Variants in ZNF605 observed in about 807,000 individuals in gnomAD.
The protein encoded by ZNF605 is zinc finger protein 605.
Under a neutral mutation model 7.9 loss-of-function variants are expected in ZNF605, and 9 were observed. The ratio of observed to expected loss-of-function variants is 1.14; its 90% CI spans 0.68 to 1.98. ZNF605 has a LOEUF of 1.98. Among genes scored for constraint, ZNF605 ranks in the 30% most tolerant of loss-of-function variants. The pLI, the probability that ZNF605 is intolerant of heterozygous loss-of-function variation, is 0.00. For synonymous variants in ZNF605, 255 were observed against 260.1 expected, an observed-to-expected ratio of 0.98 and a Z score of 0.19; for missense variants, 673 against 762.4, an observed-to-expected ratio of 0.88 and a Z score of 1.38.
At chr12:132,932,850 TAA>T in intron 4 of ZNF605, 183 bp downstream of exon 4, 1 of 1,447,880 alleles carries the variant, frequency 6.9e-7, no homozygotes, top group South Asian at 1.3e-5. Flanking sequence ...CTGCCTGGGC[TAA>T]GAGTCTTAAA....
rs1284996129 is a variant in ZNF605, at chr12:132,919,556, A to AT, written c.*5816dup. 3 of 150,486 alleles carry AT rather than the reference A, an allele frequency of 2.0e-5. No homozygotes were observed. Among genetic ancestry groups the AT allele is most frequent in the Admixed American group, 1.3e-4 (2 of 15,076 alleles). The allele number at this position is 150,486 out of a possible 1,614,324, so 9.3% of individuals were successfully genotyped here. A position where few individuals can be genotyped will look rare whatever the true frequency, so the allele number is the denominator to read the frequency against. On this transcript the variant is annotated 3_prime_UTR_variant, in exon 5 of 5. Coordinates refer to ENST00000360187, the MANE Select transcript of ZNF605 (RefSeq NM_183238.4). Reference sequence around the variant, plus strand: ...AGGCGCCCGCCACCACGCGCGGCTAATTTTTTGTATTTTTAGTAGAGACGG... The same window carrying AT: ...AGGCGCCCGCCACCACGCGCGGCTAATTTTTTTGTATTTTTAGTAGAGACGG...
rs1193480474 is a variant in ZNF605, at chr12:132,933,307, C to G, written c.16-152G>C. Reference sequence around the variant, plus strand: ...CTTTTGCATAATCCTCCCCTCTTGACCGTGGGCTGGACTCACTGACTCATT... The same window carrying G: ...CTTTTGCATAATCCTCCCCTCTTGAGCGTGGGCTGGACTCACTGACTCATT... On this transcript the variant is annotated intron_variant, in intron 3 of 4. Coordinates refer to ENST00000360187, the MANE Select transcript of ZNF605 (RefSeq NM_183238.4). This position sits in a 1 kb window ranked among gnomAD's most constrained non-coding sequence, Gnocchi z 4.4. 4.7e-6 allele frequency: 4 copies of G among 852,168 alleles called. No individual in the cohort carries two copies. Among genetic ancestry groups the G allele is most frequent in the Non-Finnish European group, 6.9e-6 (4 of 578,176 alleles). The allele number at this position is 852,168 out of a possible 1,614,324, so 52.8% of individuals were successfully genotyped here.
chr12:132,950,475 A>G (rs1952546240), intron 1 of ZNF605, among the ~76,000 whole-genome samples: 1 of 151,876 alleles, frequency 6.6e-6, no homozygotes, highest in African/African-American at 2.4e-5. Flanking sequence ...ACACACAGAC[A>G]TGCACACACA....
chr12:132,939,397 G>A (rs1315638203), intron 3 of ZNF605, among the ~76,000 whole-genome samples: 1 of 151,824 alleles, frequency 6.6e-6, no homozygotes, highest in African/African-American at 2.4e-5. Context: ...ACACCAATCG[G>A]CACTCTGTAT....
In ZNF605 at chr12:132,926,589, T is replaced by G; in HGVS notation, c.710A>C (p.Lys237Thr). ...TCTCTGATGTAAAATGAGGAGTGAC[T>G]TCCTACTAAAAGCTTTCTGACATTC... ...CSECQKAFSR[K>T]SLLILHQRIH... is the part of the protein sequence containing the mutation. The change falls in exon 5 of 5, where the codon AAG (lysine) becomes ACG (threonine). Residue 237 changes from lysine to threonine, a missense_variant. Coordinates refer to ENST00000360187, the MANE Select transcript of ZNF605 (RefSeq NM_183238.4). 6.2e-7 allele frequency: 1 copy of G among 1,614,202 alleles called. No individual in the cohort carries two copies. Among genetic ancestry groups the G allele is most frequent in the African/African-American group, 1.3e-5 (1 of 75,060 alleles).
intron 1 of ZNF605, among the ~76,000 whole-genome samples, chr12:132,955,920 C>G (rs1215222863): frequency 1.3e-5 from 2 of 151,896 alleles, no homozygotes; most frequent in Non-Finnish European, 2.9e-5. Flanking sequence ...CCTCCATAGG[C>G]CCCCAGTGAA....
intron 4 of ZNF605, among the ~76,000 whole-genome samples, chr12:132,931,776 C>A (rs1409968606): frequency 6.6e-6 from 1 of 152,096 alleles, no homozygotes; most frequent in African/African-American, 2.4e-5. Flanking sequence ...AGACTTAAAC[C>A]CACCTGACTA....
chr12:132,950,366 T>C (rs962089938), intron 1 of ZNF605, among the ~76,000 whole-genome samples: 24 of 152,044 alleles, frequency 1.6e-4, no homozygotes, highest in Non-Finnish European at 2.9e-4. Flanking sequence ...GATCTACAAG[T>C]ACACGCACAC....
At position 132,918,596 on chromosome 12, in the gene ZNF605, G is replaced by A. The variant is rs1952177839; in HGVS notation, c.*6777C>T. Reference sequence around the variant, plus strand: ...CCCCACCCTTGTTTTCTCTTTTTTTGAGACGGAGTCTCACTCTGTTGCTCA... The same window carrying A: ...CCCCACCCTTGTTTTCTCTTTTTTTAAGACGGAGTCTCACTCTGTTGCTCA... On this transcript the variant is annotated 3_prime_UTR_variant, in exon 5 of 5. Transcript: ENST00000360187. 6.6e-6 allele frequency: 1 copy of A among 152,072 alleles called. No individual in the cohort carries two copies. The highest frequency in any genetic ancestry group is 1.5e-5 in the Non-Finnish European group (1 of 68,062). 9.4% of individuals were successfully genotyped at this position (152,072 alleles called of 1,614,324 possible). A position where few individuals can be genotyped will look rare whatever the true frequency, so the allele number is the denominator to read the frequency against.
At chr12:132,929,712 C>T (rs1443702168) in intron 4 of ZNF605, among the ~76,000 whole-genome samples, 3 of 151,886 alleles carry the variant, frequency 2.0e-5, no homozygotes, top group Admixed American at 1.3e-4. Flanking sequence ...TTTGGGAGGC[C>T]GAGGCAGGCA....
intron 3 of ZNF605, among the ~76,000 whole-genome samples, chr12:132,938,820 G>A (rs1298816718): frequency 7.9e-5 from 12 of 152,232 alleles, no homozygotes; most frequent in South Asian, 2.1e-4. Context: ...CCGGGTGGGC[G>A]TGGGCTTGGT....
chr12:132,928,705 C>T (rs1225259627), intron 4 of ZNF605, among the ~76,000 whole-genome samples: 2 of 152,124 alleles, frequency 1.3e-5, no homozygotes, highest in Admixed American at 6.6e-5. Flanking sequence ...AAAGATCTGG[C>T]ATGGTCTCAA....
At chr12:132,938,819 CGTGGGCTTG>C (rs1952396443) in intron 3 of ZNF605, among the ~76,000 whole-genome samples, 1 of 151,884 alleles carries the variant, frequency 6.6e-6, no homozygotes, top group Non-Finnish European at 1.5e-5. Context: ...TCCGGGTGGG[CGTGGGCTTG>C]GTGGGCGCCG....
intron 4 of ZNF605, among the ~76,000 whole-genome samples, chr12:132,929,962 AAT>A (rs1011778277): frequency 1.1e-4 from 17 of 152,242 alleles, no homozygotes; most frequent in African/African-American, 2.4e-4. Context: ...TAAATAAATA[AAT>A]ATGTCTATCC....
Position 132,926,282 on chromosome 12 carries a change from A to G in ZNF605, c.1017T>C (p.Cys339=). The G allele has an allele frequency of 6.2e-7, 1 of 1,613,984 alleles. No individual in the cohort carries two copies. Among genetic ancestry groups the G allele is most frequent in the Non-Finnish European group, 8.5e-7 (1 of 1,179,966 alleles). ...RTHTGKKPYG[C]GECQKAFSRN... ...TGCTGAAGGCTTTTTGACACTCACC[A>G]CATCCGTAAGGTTTCTTCCCTGTGT... Residue 339 remains cysteine, a synonymous_variant, in exon 5 of 5, where the codon TGT becomes TGC. Transcript: ENST00000360187.
intron 3 of ZNF605, among the ~76,000 whole-genome samples, chr12:132,934,905 A>G (rs1209293582): frequency 6.6e-6 from 1 of 152,210 alleles, no homozygotes; most frequent in Admixed American, 6.5e-5. Context: ...GGTGCTGTAA[A>G]GACAGTAAGG....
rs1952242116 is a variant in ZNF605, at chr12:132,925,932, T to C, written c.1367A>G (p.Lys456Arg). ...CAGGCTTGACTTCTGGGTGAAGGCC[T>C]TCCCACACTCACTGCATTCATAAGG... The part of the protein sequence containing the change: ...EKPYECSECG[K>R]AFTQKSSLIS... The change falls in exon 5 of 5, where the codon AAG (lysine) becomes AGG (arginine). Residue 456 changes from lysine (K) to arginine (R), a missense_variant. Coordinates refer to ENST00000360187, the MANE Select transcript of ZNF605 (RefSeq NM_183238.4). The C allele has an allele frequency of 1.2e-6, 2 of 1,614,098 alleles. No individual in the cohort carries two copies. Among genetic ancestry groups the C allele is most frequent in the African/African-American group, 1.3e-5 (1 of 74,950 alleles).
In ZNF605 at chr12:132,921,613, G is replaced by A. The variant is rs1459112244; in HGVS notation, c.*3760C>T. ...AATTCCTAAAAGATCAGAGCAGAGT[G>A]ATACACAAGTTTATTAACACAGACT... On this transcript the variant is annotated 3_prime_UTR_variant, in exon 5 of 5. Coordinates refer to ENST00000360187, the MANE Select transcript of ZNF605 (RefSeq NM_183238.4). 1 of 152,192 alleles carries A rather than the reference G, an allele frequency of 6.6e-6. No individual in the cohort carries two copies. Among genetic ancestry groups the A allele is most frequent in the Non-Finnish European group, 1.5e-5 (1 of 68,046 alleles). 9.4% of individuals were successfully genotyped at this position (152,192 alleles called of 1,614,324 possible).
rs989680071 is a variant in ZNF605 at position 132,941,817 on chromosome 12, C to G, written c.15+3804G>C. Among the ~76,000 whole-genome samples the G allele has an allele frequency of 2.8e-4, 43 of 151,784 alleles. No individual in the cohort carries two copies. Among genetic ancestry groups the G allele is most frequent in the Non-Finnish European group, 4.1e-4 (28 of 67,910 alleles). On this transcript the variant is annotated intron_variant, in intron 3 of 4. Coordinates refer to ENST00000360187, the MANE Select transcript of ZNF605 (RefSeq NM_183238.4). This position sits in a 1 kb window ranked among gnomAD's most constrained non-coding sequence, Gnocchi z 5.1. ...TTTCCAGGCTGCCCTCTGTCACGCT[C>G]CTTCTCGAGGCTGCCCTCCATCACG...
Sources: allele counts gnomAD v4.1 joint callset (sites outside exome capture counted in the v4.1 genomes callset), GRCh38; gene constraint gnomAD v4.1.1; non-coding constraint Gnocchi (gnomAD v3.1); transcripts MANE v1.5; gene names NCBI Gene and HGNC (gene_info 2026-07-23, HGNC 2026-07-21).